The following GNPTAB variants were observed in gnomAD, a reference collection of about 807,000 sequenced individuals.
GNPTAB encodes N-acetylglucosamine-1-phosphotransferase subunits alpha/beta.
Under a neutral mutation model 136.6 loss-of-function variants are expected in GNPTAB, and 92 were observed. The ratio of observed to expected loss-of-function variants is 0.67; its 90% CI spans 0.57 to 0.80. The LOEUF (loss-of-function observed/expected upper bound fraction) is 0.80. GNPTAB is among the 30% of genes least tolerant of loss of function. The pLI, the probability that GNPTAB is intolerant of heterozygous loss-of-function variation, is 0.00. For missense variants in GNPTAB, 1,343 were observed against 1,501.8 expected (o/e 0.89, Z 1.75); for synonymous variants, 512 against 535.1 (o/e 0.96, Z 0.60).
rs531461949 is a variant in GNPTAB, at chr12:101,769,024, G to C, written c.1285-864C>G. Among the ~76,000 whole-genome samples, 454 of 152,328 alleles carry C rather than the reference G, an allele frequency of 3.0e-3. 2 individuals carry two copies. Among genetic ancestry groups the C allele is most frequent in the African/African-American group, 0.01 (435 of 41,566 alleles). Reference sequence around the variant, plus strand: ...ATACAGAGGAGACAACTCAATAGGGGAACAGGAGAATGGGCCTGGTTGGGT... The same window carrying C: ...ATACAGAGGAGACAACTCAATAGGGCAACAGGAGAATGGGCCTGGTTGGGT... On this transcript the variant is annotated intron_variant, in intron 10 of 20. Coordinates refer to ENST00000299314, the MANE Select transcript of GNPTAB (RefSeq NM_024312.5).
At chr12:101,810,964 C>T (rs1022895957) in intron 1 of GNPTAB, among the ~76,000 whole-genome samples, 1 of 152,166 alleles carries the variant, frequency 6.6e-6, no homozygotes, top group African/African-American at 2.4e-5. Context: ...AACAAAAAGA[C>T]GGTGACTGCA....
At chr12:101,748,950 T>A (rs1357293162) in intron 20 of GNPTAB, 151 bp downstream of exon 20, 2 of 612,452 alleles carry the variant, frequency 3.3e-6, no homozygotes, top group Non-Finnish European at 5.8e-6. Flanking sequence ...CTGAATATTG[T>A]GAAACATATT....
At chr12:101,801,758 C>T (rs1357050371) in intron 1 of GNPTAB, among the ~76,000 whole-genome samples, 1 of 151,928 alleles carries the variant, frequency 6.6e-6, no homozygotes, top group Non-Finnish European at 1.5e-5. Context: ...TTTGGTTAAA[C>T]TAGCCTGAGT....
chr12:101,765,062 T>C lies in GNPTAB; in HGVS notation c.1855A>G (p.Asn619Asp). ...ATTTTGAACTCTTCATCGTTTGTAT[T>C]TTGAAACGTGAGATTAAAATGTATT... The part of the protein sequence containing the change: ...TTIHFNLTFQ[N>D]TNDEEFKMQI... The change falls in exon 13 of 21, where the codon AAT (asparagine) becomes GAT (aspartate). Residue 619 changes from asparagine (N) to aspartate (D), a missense_variant. Coordinates refer to ENST00000299314, the MANE Select transcript of GNPTAB (RefSeq NM_024312.5). The C allele has an allele frequency of 6.2e-7, 1 of 1,614,144 alleles. No homozygotes were observed. Among genetic ancestry groups the C allele is most frequent in the South Asian group, 1.1e-5 (1 of 91,078 alleles).
rs139129016 is a variant in GNPTAB, at chr12:101,786,211, C to T, written c.372G>A (p.Lys124=). 1 of 1,611,852 alleles carries T rather than the reference C, an allele frequency of 6.2e-7. No homozygotes were observed. Among genetic ancestry groups the T allele is most frequent in the African/African-American group, 1.3e-5 (1 of 74,898 alleles). Residue 124 remains lysine, a synonymous_variant, in exon 5 of 21, where the codon AAG becomes AAA. Transcript: ENST00000299314. ...NTTEPTKKSE[K]QLECLLTHCI... ...AGTGTGTTAGCAAACACTCTAACTGCTTCTCACTGGAAAGAAACACCAACA... is the reference window on the plus strand; with the variant it reads ...AGTGTGTTAGCAAACACTCTAACTGTTTCTCACTGGAAAGAAACACCAACA...
intron 1 of GNPTAB, among the ~76,000 whole-genome samples, chr12:101,821,429 C>A (rs1051621437): frequency 2.6e-5 from 4 of 152,246 alleles, no homozygotes; most frequent in Non-Finnish European, 4.4e-5. Flanking sequence ...CCCAGGCAAG[C>A]TCAATTAACT....
intron 1 of GNPTAB, among the ~76,000 whole-genome samples, chr12:101,816,987 T>C (rs1308185170): frequency 1.3e-5 from 2 of 152,062 alleles, no homozygotes; most frequent in South Asian, 2.1e-4. Context: ...ATGTGGGAGC[T>C]AAAAAACTGA....
chr12:101,825,890 A>C (rs1871063410), intron 1 of GNPTAB, among the ~76,000 whole-genome samples: 1 of 152,176 alleles, frequency 6.6e-6, no homozygotes, highest in African/African-American at 2.4e-5. Flanking sequence ...GCTGGGAGTA[A>C]CTCAGTTTGG....
intron 4 of GNPTAB, among the ~76,000 whole-genome samples, chr12:101,787,582 T>C (rs1019313299): frequency 3.3e-5 from 5 of 152,130 alleles, no homozygotes; most frequent in African/African-American, 9.7e-5. Flanking sequence ...ATATAATTTA[T>C]AAATAAAGCT....
At chr12:101,824,136 G>A (rs915810944) in intron 1 of GNPTAB, among the ~76,000 whole-genome samples, 1 of 151,978 alleles carries the variant, frequency 6.6e-6, no homozygotes, top group Non-Finnish European at 1.5e-5. Context: ...GGTTAACAAG[G>A]GTATAACAAG....
At chr12:101,760,575 T>C (rs1332282555) in intron 15 of GNPTAB, among the ~76,000 whole-genome samples, 2 of 152,102 alleles carry the variant, frequency 1.3e-5, no homozygotes, top group Admixed American at 1.3e-4. Context: ...GGTCTGGCTC[T>C]TTTCCAGACA....
rs1952984689 is a variant in GNPTAB at position 101,761,109 on chromosome 12, A to ATTAT, written c.3135+17_3135+18insATAA. On this transcript the variant is annotated intron_variant, in intron 15 of 20. Transcript: ENST00000299314. The stretch of plus-strand genomic sequence containing the variant: ...TCATTTAAAACATCAAAAAGTTTAG[A>ATTAT]ATAAGACAATACAACACCTGCAAAC... The ATTAT allele has an allele frequency of 6.4e-7, 1 of 1,567,188 alleles. No homozygotes were observed. Among genetic ancestry groups the ATTAT allele is most frequent in the Non-Finnish European group, 8.8e-7 (1 of 1,138,498 alleles).
rs749134354 is a variant in GNPTAB, at chr12:101,830,622, A to G, written c.54T>C (p.Tyr18=). The change falls in exon 1 of 21, where the codon TAT becomes TAC. Residue 18 remains tyrosine (Y), a synonymous_variant. Transcript: ENST00000299314. ...RQTYTCLSHR[Y]GLYVCFLGVV... ...CGCCCAAGAAGCACACGTAGAGCCC[A>G]TACCTGTGGGACAGGCAGGTATAGG... The G allele has an allele frequency of 9.3e-6, 15 of 1,612,982 alleles. No individual in the cohort carries two copies. Among genetic ancestry groups the G allele is most frequent in the Non-Finnish European group, 1.3e-5 (15 of 1,179,350 alleles).
intron 1 of GNPTAB, among the ~76,000 whole-genome samples, chr12:101,821,396 G>T (rs1315337521): frequency 6.6e-6 from 1 of 152,224 alleles, no homozygotes; most frequent in African/African-American, 2.4e-5. Context: ...GCTGAGCACA[G>T]AAATAGCAAA....
At chr12:101,808,212 C>A (rs542611331) in intron 1 of GNPTAB, among the ~76,000 whole-genome samples, 1 of 152,156 alleles carries the variant, frequency 6.6e-6, no homozygotes, top group Admixed American at 6.5e-5. Flanking sequence ...AGATTCAATG[C>A]AAACTCAACT....
chr12:101,751,327 G>A (rs1011871105), intron 19 of GNPTAB, among the ~76,000 whole-genome samples: 1 of 152,166 alleles, frequency 6.6e-6, no homozygotes, highest in Non-Finnish European at 1.5e-5. Context: ...TACACCAGCT[G>A]CACTGAACTC....
intron 12 of GNPTAB, chr12:101,765,683 T>C (rs1953080187): frequency 2.9e-6 from 1 of 345,598 alleles, no homozygotes; most frequent in South Asian, 2.7e-5. Context: ...TAAATTACAA[T>C]AATCAATTTC....
chr12:101,782,145 A>G (rs1279493902), intron 5 of GNPTAB, among the ~76,000 whole-genome samples: 1 of 152,220 alleles, frequency 6.6e-6, no homozygotes, highest in Non-Finnish European at 1.5e-5. Flanking sequence ...ATTGTCCTGG[A>G]TAAGAGACTA....
At chr12:101,823,925 T>C (rs1870943866) in intron 1 of GNPTAB, among the ~76,000 whole-genome samples, 1 of 152,204 alleles carries the variant, frequency 6.6e-6, no homozygotes, top group African/African-American at 2.4e-5. Context: ...CTAACAGCTA[T>C]CACAGACACA....
Sources: gnomAD v4.1 joint callset for allele counts (sites outside exome capture counted in the v4.1 genomes callset) on GRCh38, gnomAD v4.1.1 for gene constraint, MANE v1.5 for transcripts, NCBI Gene and HGNC (gene_info 2026-07-23, HGNC 2026-07-21) for gene names.